Variants in MICAL3 observed in about 807,000 individuals in gnomAD.
MICAL3 encodes the protein microtubule associated monooxygenase, calponin and LIM domain containing 3.
In MICAL3, 62 loss-of-function variants were observed where a neutral mutation model predicts 207.4. That is an observed-to-expected ratio of 0.30 (90% CI 0.24 to 0.37). The LOEUF (loss-of-function observed/expected upper bound fraction) is 0.37, where lower values mean the gene tolerates loss of function less well. MICAL3 is among the 10% of genes least tolerant of loss of function. MICAL3 has a pLI of 1.00. For missense variants in MICAL3, 2,368 were observed against 2,635.6 expected, an observed-to-expected ratio of 0.90 and a Z score of 2.22; for synonymous variants, 1,077 against 1,069.3, an observed-to-expected ratio of 1.01 and a Z score of -0.14.
chr22:17,805,022 G>A (rs2061976199), intron 29 of MICAL3, among the ~76,000 whole-genome samples: 1 of 152,190 alleles, frequency 6.6e-6, no homozygotes, highest in African/African-American at 2.4e-5. Context: ...ACGGAGAACG[G>A]GATGGCAGGT....
intron 21 of MICAL3, among the ~76,000 whole-genome samples, chr22:17,830,220 G>A (rs143047908): frequency 3.0e-4 from 45 of 152,238 alleles, no homozygotes; most frequent in African/African-American, 9.6e-4. Flanking sequence ...AAGCAGGGAG[G>A]GAAGAGAAGG....
chr22:17,964,956 A>G (rs1935077527), intron 1 of MICAL3, among the ~76,000 whole-genome samples: 1 of 152,210 alleles, frequency 6.6e-6, no homozygotes, highest in Non-Finnish European at 1.5e-5. Flanking sequence ...GAAAAGGGGA[A>G]AGCAAACACT....
rs916647912 is a variant in MICAL3 at position 17,787,911 on chromosome 22, C to A, written c.*2821G>T. 5 of 152,272 alleles carry A rather than the reference C, an allele frequency of 3.3e-5. No individual in the cohort carries two copies. Among genetic ancestry groups the A allele is most frequent in the African/African-American group, 4.8e-5 (2 of 41,468 alleles). 9.4% of individuals were successfully genotyped at this position (152,272 alleles called of 1,614,324 possible). On this transcript the variant is annotated 3_prime_UTR_variant, in exon 32 of 32. Coordinates refer to ENST00000441493, the MANE Select transcript of MICAL3 (RefSeq NM_015241.3). ...CTCAAGCCCAGGGGCGGGAGCGCCT[C>A]CGGCCTGCCCTCCAGGGAAGCTGCA...
At chr22:17,802,179 T>C (rs977328338) in intron 29 of MICAL3, among the ~76,000 whole-genome samples, 4 of 152,052 alleles carry the variant, frequency 2.6e-5, no homozygotes, top group Admixed American at 6.6e-5. Context: ...CCTCCCACCT[T>C]AGCCTCCCTA....
intron 1 of MICAL3, among the ~76,000 whole-genome samples, chr22:17,986,691 G>A (rs1921049886): frequency 1.3e-5 from 2 of 152,088 alleles, no homozygotes; most frequent in African/African-American, 2.4e-5. Flanking sequence ...GTCTCATCAC[G>A]CACAGAATGC....
At chr22:17,979,340 T>C (rs370201663) in intron 1 of MICAL3, among the ~76,000 whole-genome samples, 2 of 151,398 alleles carry the variant, frequency 1.3e-5, no homozygotes, top group Non-Finnish European at 2.9e-5. Context: ...AGGTCAGGAG[T>C]TCGAGACCAG....
chr22:17,885,909 G>A lies in MICAL3; in HGVS notation c.2210C>T (p.Ala737Val), dbSNP rs760175851. The A allele has an allele frequency of 1.3e-5, 21 of 1,613,834 alleles. No individual in the cohort carries two copies. Among genetic ancestry groups the A allele is most frequent in the Admixed American group, 5.0e-5 (3 of 60,008 alleles). ...CCGTATGCCGATGGACTGTGCGGGC[G>A]CATTCTCTTCAAATTTGGCCAGCAG... Reference protein sequence around the residue: ...TQLLAKFEENAPAQSIGIRRQ... With the variant: ...TQLLAKFEENVPAQSIGIRRQ... The change falls in exon 16 of 32, where the codon GCG (alanine) becomes GTG (valine). Residue 737 changes from alanine (A) to valine (V), a missense_variant. This residue lies in a region of MICAL3 where 1,770 missense variants were observed against 1,863.2 expected (regional missense o/e 0.95). Transcript: ENST00000441493.
intron 1 of MICAL3, among the ~76,000 whole-genome samples, chr22:17,971,012 C>T (rs1254204189): frequency 2.0e-5 from 3 of 151,730 alleles, no homozygotes; most frequent in Admixed American, 2.0e-4. Flanking sequence ...CAAAACCCCG[C>T]CTCTGCCAAA....
intron 16 of MICAL3, among the ~76,000 whole-genome samples, chr22:17,878,741 C>T (rs1331027317): frequency 6.6e-6 from 1 of 152,152 alleles, no homozygotes; most frequent in Non-Finnish European, 1.5e-5. Flanking sequence ...TCGGCTATCC[C>T]TCACATTGTA....
chr22:17,950,337 GTTTTTTTTTTT>G (rs764642603), intron 1 of MICAL3, among the ~76,000 whole-genome samples: 2 of 89,332 alleles, frequency 2.2e-5, no homozygotes, highest in Admixed American at 1.3e-4. Context: ...TTTTGTTTTT[GTTTTTTTTTTT>G]TTTTTTTTTT....
At chr22:17,943,172 T>C (rs146659745) in intron 1 of MICAL3, among the ~76,000 whole-genome samples, 55 of 152,340 alleles carry the variant, frequency 3.6e-4, no homozygotes, top group African/African-American at 1.2e-3. Flanking sequence ...ATCCTTCTTT[T>C]TTTTCTTTAA....
At chr22:18,007,750 G>A (rs1407208071) in intron 1 of MICAL3, among the ~76,000 whole-genome samples, 4 of 151,244 alleles carry the variant, frequency 2.6e-5, no homozygotes, top group Non-Finnish European at 5.9e-5. Context: ...TCAGGTGATC[G>A]GGACCATCCT....
chr22:17,895,243 G>A, intron 10 of MICAL3, 41 bp downstream of exon 10: 1 of 1,605,970 alleles, frequency 6.2e-7, no homozygotes, highest in Middle Eastern at 1.7e-4. Flanking sequence ...CATTGGTCCT[G>A]CAGATGGGCC....
chr22:17,834,483 AG>A (rs1188823388), intron 20 of MICAL3: 89 of 1,268,488 alleles, frequency 7.0e-5, no homozygotes, highest in Non-Finnish European at 8.5e-5. Context: ...TGGGAGGCTG[AG>A]GTGGGTGGAT....
intron 1 of MICAL3, chr22:17,980,916 G>A (rs967811849): frequency 1.9e-6 from 1 of 533,374 alleles, no homozygotes; most frequent in Non-Finnish European, 3.9e-6. Context: ...CGCTGGGCCT[G>A]CCCCGGCCCC....
chr22:17,930,379 A>G (rs909735235), intron 1 of MICAL3, among the ~76,000 whole-genome samples: 1 of 152,236 alleles, frequency 6.6e-6, no homozygotes, highest in South Asian at 2.1e-4. Context: ...AGCTTTATTC[A>G]TAATACTCAA....
intron 16 of MICAL3, among the ~76,000 whole-genome samples, chr22:17,878,815 C>T (rs761476923): frequency 1.4e-4 from 21 of 152,162 alleles, no homozygotes; most frequent in Non-Finnish European, 2.9e-4. Context: ...AAGCTTTCCA[C>T]GGGTACAGCC....
chr22:17,821,664 G>A (rs1047234877), intron 24 of MICAL3, among the ~76,000 whole-genome samples, 155 bp from the exon 25 acceptor site: 1 of 152,222 alleles, frequency 6.6e-6, no homozygotes, highest in African/African-American at 2.4e-5. Flanking sequence ...TTCTCTCAGA[G>A]GCCAGGGTCC....
At chr22:17,838,510 C>T (rs1602018471) in intron 20 of MICAL3, among the ~76,000 whole-genome samples, 1 of 152,154 alleles carries the variant, frequency 6.6e-6, no homozygotes, top group East Asian at 1.9e-4. Context: ...AGGCTTCGTC[C>T]GTGCTTTATA....
Sources: allele counts gnomAD v4.1 joint callset (sites outside exome capture counted in the v4.1 genomes callset), GRCh38; gene constraint gnomAD v4.1.1; regional missense constraint gnomAD v4.1.1; transcripts MANE v1.5; gene names NCBI Gene and HGNC (gene_info 2026-07-23, HGNC 2026-07-21).